Variants in ABTB2 observed in about 807,000 individuals in gnomAD.
ABTB2 encodes the protein ankyrin repeat and BTB/POZ domain-containing protein 2.
A neutral mutation model predicts 104.1 loss-of-function variants in ABTB2; 56 were observed. That is an observed-to-expected ratio of 0.54 (90% CI 0.43 to 0.67). The LOEUF (loss-of-function observed/expected upper bound fraction) is 0.67, where lower values mean the gene tolerates loss of function less well. Ranked by LOEUF, ABTB2 falls within the 30% of genes least tolerant of loss-of-function variation. The pLI is 0.00. For missense variants in ABTB2, 1,279 were observed against 1,407.7 expected, an observed-to-expected ratio of 0.91 and a Z score of 1.46; for synonymous variants, 606 against 608.2, an observed-to-expected ratio of 1.00 and a Z score of 0.05.
At chr11:34,223,338 C>T (rs1270147804) in intron 1 of ABTB2, among the ~76,000 whole-genome samples, 2 of 152,218 alleles carry the variant, frequency 1.3e-5, no homozygotes, top group Non-Finnish European at 2.9e-5. Flanking sequence ...TGGATCTGCA[C>T]AGCACAATTG....
chr11:34,262,719 T>G (rs1167616505), intron 1 of ABTB2, among the ~76,000 whole-genome samples: 1 of 152,140 alleles, frequency 6.6e-6, no homozygotes, highest in Non-Finnish European at 1.5e-5. Flanking sequence ...AAAGGGCCAT[T>G]ATTAACAGTG....
At chr11:34,218,846 CAAAAAAAAAA>C (rs35803950) in intron 1 of ABTB2, among the ~76,000 whole-genome samples, 2 of 60,984 alleles carry the variant, frequency 3.3e-5, no homozygotes, top group African/African-American at 1.3e-4. Flanking sequence ...AACTCCATCT[CAAAAAAAAAA>C]AAAAAAAAAA....
In ABTB2 at chr11:34,173,120, G is replaced by T; in HGVS notation, c.1397+35C>A. On this transcript the variant is annotated intron_variant, in intron 4 of 16. Transcript: ENST00000435224. Reference sequence around the variant, plus strand: ...AGGGGAGCCGCTGGGGGCAGGTCATGGATGCCGGGGCCCTCCCTCCTCCCT... The same window carrying T: ...AGGGGAGCCGCTGGGGGCAGGTCATTGATGCCGGGGCCCTCCCTCCTCCCT... 2.5e-6 allele frequency: 4 copies of T among 1,612,664 alleles called. No homozygotes were observed. The South Asian group carries it at 3.3e-5, about 13-fold the overall frequency.
intron 2 of ABTB2, among the ~76,000 whole-genome samples, chr11:34,200,582 T>C (rs1429237728): frequency 6.6e-6 from 1 of 152,210 alleles, no homozygotes; most frequent in South Asian, 2.1e-4. Context: ...AGCGGCTTGC[T>C]TGGAACCTTC....
At chr11:34,169,955 A>C (rs541149626) in intron 5 of ABTB2, among the ~76,000 whole-genome samples, 8 of 152,188 alleles carry the variant, frequency 5.3e-5, no homozygotes, top group Non-Finnish European at 7.3e-5. Context: ...CACAGGCTGC[A>C]TTGTGCCGTC....
intron 1 of ABTB2, among the ~76,000 whole-genome samples, chr11:34,340,749 G>A (rs552557154): frequency 1.1e-4 from 17 of 152,240 alleles, no homozygotes; most frequent in Non-Finnish European, 2.5e-4. Flanking sequence ...TCCAGGTGGC[G>A]GCTCTCCAGG....
chr11:34,329,384 T>A (rs1191007962), intron 1 of ABTB2, among the ~76,000 whole-genome samples: 1 of 152,134 alleles, frequency 6.6e-6, no homozygotes, highest in Non-Finnish European at 1.5e-5. Context: ...TCCACCCCCC[T>A]GCCCAGATCA....
intron 4 of ABTB2, 90 bp from the exon 5 acceptor site, chr11:34,171,161 A>C (rs768863554): frequency 7.1e-7 from 1 of 1,410,036 alleles, no homozygotes; most frequent in South Asian, 1.4e-5. Context: ...TTACGTGTAG[A>C]GTGAGGATGA....
intron 1 of ABTB2, among the ~76,000 whole-genome samples, chr11:34,318,549 A>C (rs1854967225): frequency 6.6e-6 from 1 of 152,192 alleles, no homozygotes; most frequent in Admixed American, 6.5e-5. Context: ...GTCTAAGGAC[A>C]CTCAGTTGGC....
intron 3 of ABTB2, among the ~76,000 whole-genome samples, chr11:34,173,658 GA>G (rs2133018012): frequency 6.6e-6 from 1 of 152,234 alleles, no homozygotes; most frequent in African/African-American, 2.4e-5. Flanking sequence ...GTGGCCCAGG[GA>G]AGGAGCAGTT....
intron 1 of ABTB2, among the ~76,000 whole-genome samples, chr11:34,237,315 C>G (rs902460568): frequency 1.2e-4 from 16 of 130,496 alleles, no homozygotes; most frequent in Non-Finnish European, 1.9e-4. Flanking sequence ...GAGTCTCGCT[C>G]TATTGCCCAG....
intron 1 of ABTB2, among the ~76,000 whole-genome samples, chr11:34,329,222 A>T (rs1855103051): frequency 6.6e-6 from 1 of 152,250 alleles, no homozygotes; most frequent in Admixed American, 6.5e-5. Flanking sequence ...TTGCTCTAAC[A>T]GCAGCAACCA....
chr11:34,247,586 A>G (rs1330082926), intron 1 of ABTB2, among the ~76,000 whole-genome samples: 2 of 152,326 alleles, frequency 1.3e-5, no homozygotes, highest in African/African-American at 4.8e-5. Flanking sequence ...TTATATTTTC[A>G]ATTTACAATG....
At chr11:34,155,037 G>T (rs1852603326) in intron 14 of ABTB2, among the ~76,000 whole-genome samples, 1 of 152,208 alleles carries the variant, frequency 6.6e-6, no homozygotes, top group African/African-American at 2.4e-5. Flanking sequence ...TGAGAACACG[G>T]TGAGCCCAGG....
intron 1 of ABTB2, among the ~76,000 whole-genome samples, chr11:34,282,306 T>C (rs1236498801): frequency 6.6e-6 from 1 of 152,184 alleles, no homozygotes; most frequent in Non-Finnish European, 1.5e-5. Context: ...ACATTTCATA[T>C]AATGAAATAC....
At chr11:34,355,988 C>G (rs993699836) in intron 1 of ABTB2, among the ~76,000 whole-genome samples, 3 of 152,182 alleles carry the variant, frequency 2.0e-5, no homozygotes, top group South Asian at 2.1e-4. Context: ...AAGGTTTTAA[C>G]CAATGGCTCA....
chr11:34,345,479 G>A (rs1214070290), intron 1 of ABTB2, among the ~76,000 whole-genome samples: 2 of 152,088 alleles, frequency 1.3e-5, no homozygotes, highest in Non-Finnish European at 2.9e-5. Context: ...GTGAACAAAC[G>A]GATGTAACCC....
intron 3 of ABTB2, among the ~76,000 whole-genome samples, chr11:34,179,639 T>C (rs763895026): frequency 3.3e-5 from 5 of 152,224 alleles, no homozygotes; most frequent in Non-Finnish European, 7.3e-5. Context: ...CTCTATAACC[T>C]TGGGCAGATC....
chr11:34,207,617 C>T (rs761384399), intron 1 of ABTB2, among the ~76,000 whole-genome samples: 2 of 152,140 alleles, frequency 1.3e-5, no homozygotes, highest in African/African-American at 2.4e-5. Context: ...CACTTACATG[C>T]GTTATCTAAC....
Sources: gnomAD v4.1 joint callset for allele counts (sites outside exome capture counted in the v4.1 genomes callset) on GRCh38, gnomAD v4.1.1 for gene constraint, MANE v1.5 for transcripts, NCBI Gene and HGNC (gene_info 2026-07-23, HGNC 2026-07-21) for gene names.